The following TMEM132C variants were observed in gnomAD, a reference collection of about 807,000 sequenced individuals.
The protein encoded by TMEM132C is protein phosphatase 1, regulatory subunit 152.
A neutral mutation model predicts 61.4 loss-of-function variants in TMEM132C; 29 were observed. The ratio of observed to expected loss-of-function variants is 0.47; its 90% CI spans 0.35 to 0.64. The LOEUF is 0.64. Ranked by LOEUF, TMEM132C falls within the 30% of genes least tolerant of loss-of-function variation. TMEM132C has a pLI of 0.00. For synonymous variants in TMEM132C, 656 were observed against 633.1 expected, an observed-to-expected ratio of 1.04 and a Z score of -0.54; for missense variants, 1,408 against 1,476.9, an observed-to-expected ratio of 0.95 and a Z score of 0.76.
chr12:128,543,037 G>A (rs796655599), intron 2 of TMEM132C, among the ~76,000 whole-genome samples: 3 of 152,054 alleles, frequency 2.0e-5, no homozygotes, highest in Admixed American at 6.6e-5. Context: ...TGTCTCGTCC[G>A]TTTATTGATA....
At chr12:128,350,200 A>G (rs150732179) in intron 1 of TMEM132C, among the ~76,000 whole-genome samples, 6 of 152,132 alleles carry the variant, frequency 3.9e-5, no homozygotes, top group East Asian at 3.9e-4. Flanking sequence ...TGAAACGTCT[A>G]TTTTTTTTCT....
intron 1 of TMEM132C, among the ~76,000 whole-genome samples, chr12:128,388,060 G>C (rs1874642441): frequency 6.6e-6 from 1 of 152,222 alleles, no homozygotes; most frequent in South Asian, 2.1e-4. Context: ...AAGAGGCCAG[G>C]GCTTCTATTT....
At chr12:128,636,229 T>C (rs578230904) in intron 4 of TMEM132C, among the ~76,000 whole-genome samples, 22 of 152,194 alleles carry the variant, frequency 1.4e-4, no homozygotes, top group African/African-American at 5.1e-4. Context: ...TTTTTAAAAT[T>C]TTTTTTAGAG....
chr12:128,504,811 G>A (rs974262370), intron 2 of TMEM132C, among the ~76,000 whole-genome samples: 1 of 144,140 alleles, frequency 6.9e-6, no homozygotes, highest in African/African-American at 2.5e-5. Flanking sequence ...ATGAATTTAG[G>A]TGGGGGTGGG....
Position 128,682,581 on chromosome 12 carries a change from ACT to A in TMEM132C, c.1450-11243_1450-11242del, listed in dbSNP as rs909986936. Among the ~76,000 whole-genome samples, 57 of 152,230 alleles carry A rather than the reference ACT, an allele frequency of 3.7e-4. 1 individual carries two copies. The highest frequency in any genetic ancestry group is 1.3e-3 in the African/African-American group (55 of 41,542). ...CAGCACTGCTGGCGTGGCCGTTAAC[ACT>A]CTCTGTGTGTAGGAAGCTTCAGAAG... is the stretch of plus-strand genomic sequence containing the variant. On this transcript the variant is annotated intron_variant, in intron 5 of 8. Transcript: ENST00000435159.
chr12:128,382,349 T>C (rs1874427420), intron 1 of TMEM132C, among the ~76,000 whole-genome samples: 1 of 152,212 alleles, frequency 6.6e-6, no homozygotes, highest in Admixed American at 6.5e-5. Context: ...ACACAAGGTA[T>C]TTTTAAGATC....
intron 3 of TMEM132C, among the ~76,000 whole-genome samples, chr12:128,604,426 TAGA>T (rs1876328425): frequency 1.3e-5 from 2 of 150,528 alleles, no homozygotes; most frequent in African/African-American, 4.9e-5. Flanking sequence ...GATAGATAGA[TAGA>T]TAGATAGATA....
chr12:128,566,189 C>CAAAAAAAAAAAAAAAAAAAAAAAAAAA (rs59258589), intron 3 of TMEM132C, among the ~76,000 whole-genome samples: 18 of 67,828 alleles, frequency 2.7e-4, no homozygotes, highest in South Asian at 5.3e-4. Context: ...CAAGCCTAAC[C>CAAAAAAAAAAAAAAAAAAAAAAAAAAA]AAAAAAAAAA....
At position 128,542,126 on chromosome 12, in the gene TMEM132C, T is replaced by G. The variant is rs1565968458; in HGVS notation, c.975-1831T>G. On this transcript the variant is annotated intron_variant, in intron 2 of 8. Transcript: ENST00000435159. The stretch of plus-strand genomic sequence containing the variant: ...AACTGTTATCACAAACTCCTGAGTC[T>G]GGGGGGCTCTTTGGTAGAAACTGTG... 2.6e-5 allele frequency among the ~76,000 whole-genome samples: 4 copies of G among 152,102 alleles called. No individual in the cohort carries two copies. The South Asian group carries it at 8.3e-4, about 32-fold the overall frequency.
chr12:128,384,476 T>G (rs944085691), intron 1 of TMEM132C, among the ~76,000 whole-genome samples: 5 of 152,166 alleles, frequency 3.3e-5, no homozygotes, highest in African/African-American at 1.2e-4. Context: ...GGGAGGGATC[T>G]TTGTTTTCAT....
intron 1 of TMEM132C, among the ~76,000 whole-genome samples, chr12:128,407,867 C>T (rs530907797): frequency 9.9e-5 from 15 of 151,006 alleles, no homozygotes; most frequent in African/African-American, 3.4e-4. Context: ...CGTGTAGATA[C>T]AGGAGATGGG....
chr12:128,273,974 T>C (rs11059618), intron 1 of TMEM132C, among the ~76,000 whole-genome samples: 26,611 of 152,168 alleles, frequency 0.17, 3,338 homozygotes, highest in African/African-American at 0.35. Context: ...TGGGTACTTC[T>C]GATGTTCTTA....
At chr12:128,545,674 C>A (rs140370036) in intron 3 of TMEM132C, among the ~76,000 whole-genome samples, 1 of 152,170 alleles carries the variant, frequency 6.6e-6, no homozygotes, top group East Asian at 1.9e-4. Flanking sequence ...GATGGCATCT[C>A]ATTGTGGTTT....
chr12:128,522,581 C>T (rs1182111716), intron 2 of TMEM132C, among the ~76,000 whole-genome samples: 1 of 152,190 alleles, frequency 6.6e-6, no homozygotes, highest in African/African-American at 2.4e-5. Flanking sequence ...CCCACATTTA[C>T]GTGGCGATAT....
intron 4 of TMEM132C, among the ~76,000 whole-genome samples, chr12:128,639,058 GTGA>G (rs149350713): frequency 0.11 from 10,398 of 91,350 alleles, 831 homozygotes; most frequent in African/African-American, 0.21. Flanking sequence ...AATGACAATG[GTGA>G]TGATGATGAT....
At chr12:128,372,172 C>T (rs1192867920) in intron 1 of TMEM132C, among the ~76,000 whole-genome samples, 6 of 152,304 alleles carry the variant, frequency 3.9e-5, no homozygotes, top group Middle Eastern at 3.4e-3. Context: ...GTAAGTCAGT[C>T]TGAGAGATGG....
intron 2 of TMEM132C, among the ~76,000 whole-genome samples, chr12:128,498,377 A>AC (rs1208751333): frequency 1.6e-5 from 1 of 63,670 alleles, no homozygotes; most frequent in Non-Finnish European, 3.6e-5. Context: ...GTTCTATATA[A>AC]AAAAAAACCT....
intron 2 of TMEM132C, among the ~76,000 whole-genome samples, chr12:128,512,683 C>T (rs1456894593): frequency 6.6e-6 from 1 of 152,170 alleles, no homozygotes; most frequent in African/African-American, 2.4e-5. Flanking sequence ...TGCTGGATCA[C>T]AGGGAAAAAT....
chr12:128,315,382 A>G (rs1021612736), intron 1 of TMEM132C, among the ~76,000 whole-genome samples: 2 of 152,178 alleles, frequency 1.3e-5, no homozygotes, highest in African/African-American at 4.8e-5. Context: ...AGGGCCACAC[A>G]GTTGGATTTG....
Sources: allele counts gnomAD v4.1 joint callset (sites outside exome capture counted in the v4.1 genomes callset), GRCh38; gene constraint gnomAD v4.1.1; transcripts MANE v1.5; gene names NCBI Gene and HGNC (gene_info 2026-07-23, HGNC 2026-07-21).